SETBP1: variants seen among roughly 807,000 people sequenced by gnomAD.
SETBP1 encodes SET-binding protein.
Under a neutral mutation model 101.0 loss-of-function variants are expected in SETBP1, and 9 were observed. That is an observed-to-expected ratio of 0.09 (90% confidence interval 0.05 to 0.16). The LOEUF (loss-of-function observed/expected upper bound fraction) is 0.16. Ranked by LOEUF, SETBP1 falls within the 10% of genes least tolerant of loss-of-function variation. SETBP1 has a pLI of 1.00. For synonymous variants in SETBP1, 818 were observed against 788.5 expected, an observed-to-expected ratio of 1.04 and a Z score of -0.63; for missense variants, 1,858 against 2,033.8, an observed-to-expected ratio of 0.91 and a Z score of 1.66.
chr18:44,879,780 A>G (rs1199172565), intron 3 of SETBP1, among the ~76,000 whole-genome samples: 2 of 152,218 alleles, frequency 1.3e-5, no homozygotes. Flanking sequence ...AAGGATGCGT[A>G]GGGGCCATTT....
intron 2 of SETBP1, among the ~76,000 whole-genome samples, chr18:44,746,240 A>T (rs1023302548): frequency 1.3e-5 from 2 of 152,218 alleles, no homozygotes; most frequent in African/African-American, 4.8e-5. Flanking sequence ...GAATCACTGG[A>T]TGTAAGGAGT....
chr18:44,870,645 T>C (rs2069251311), intron 3 of SETBP1: 1 of 152,042 alleles, frequency 6.6e-6, no homozygotes, highest in South Asian at 2.1e-4. Context: ...AAATCAACAT[T>C]TACCGCCTAC....
Position 44,964,958 on chromosome 18 carries a change from A to G in SETBP1, c.4000+11618A>G, listed in dbSNP as rs1175670626. Among the ~76,000 whole-genome samples, 8 of 152,322 alleles carry G rather than the reference A, an allele frequency of 5.3e-5. 1 individual carries two copies. The highest frequency in any genetic ancestry group is 3.3e-4 in the Admixed American group (5 of 15,298). Reference sequence around the variant, plus strand: ...GGGGATACATTTTAAAAATAAATGCAGGAGGAATTGGGCGTGAAAATCATA... The same window carrying G: ...GGGGATACATTTTAAAAATAAATGCGGGAGGAATTGGGCGTGAAAATCATA... On this transcript the variant is annotated intron_variant, in intron 4 of 5. Coordinates refer to ENST00000649279, the MANE Select transcript of SETBP1 (RefSeq NM_015559.3).
At chr18:45,048,949 G>A (rs540741800) in intron 5 of SETBP1, among the ~76,000 whole-genome samples, 173 of 131,242 alleles carry the variant, frequency 1.3e-3, no homozygotes, top group Non-Finnish European at 2.3e-3. Flanking sequence ...TCCGCAGTCC[G>A]GCCTGGGCGA....
At chr18:44,938,871 G>C (rs559008761) in intron 3 of SETBP1, among the ~76,000 whole-genome samples, 40 of 152,200 alleles carry the variant, frequency 2.6e-4, no homozygotes, top group African/African-American at 9.6e-4. Context: ...CTGGGAAGGG[G>C]AAATAGTGAG....
At position 44,951,864 on chromosome 18, in the gene SETBP1, C is replaced by G; in HGVS notation, c.2524C>G (p.Leu842Val). 1 of 1,614,108 alleles carries G rather than the reference C, an allele frequency of 6.2e-7. No homozygotes were observed. The highest frequency in any genetic ancestry group is 8.5e-7 in the Non-Finnish European group (1 of 1,180,042). The change falls in exon 4 of 6, where the codon CTG becomes GTG. Residue 842 changes from leucine to valine, a missense_variant. Physicochemically the swap from Leu to Val is conservative, Grantham distance 32. Transcript: ENST00000649279. The surrounding 1 kb of genome is among the most constrained non-coding windows in gnomAD (Gnocchi z 7.8). ...ACTGATGGCCAACTCCCCTTCACACCTGTGCGAGATTGGCTCCCTAAAGGA... is the reference window on the plus strand; with the variant it reads ...ACTGATGGCCAACTCCCCTTCACACGTGTGCGAGATTGGCTCCCTAAAGGA... ...PRLMANSPSH[L>V]CEIGSLKEIT...
rs568709191 is a variant in SETBP1 at position 44,720,369 on chromosome 18, C to T, written c.486+18537C>T. On this transcript the variant is annotated intron_variant, in intron 2 of 5. Coordinates refer to ENST00000649279, the MANE Select transcript of SETBP1 (RefSeq NM_015559.3). The stretch of plus-strand genomic sequence containing the variant: ...TTATGTACATGTAAACAAATTTTAT[C>T]GAATCAACAGTATAGTTTTCTCAAT... Among the ~76,000 whole-genome samples, 252 of 152,262 alleles carry T rather than the reference C, an allele frequency of 1.7e-3. 1 individual carries two copies. Among genetic ancestry groups the T allele is most frequent in the Middle Eastern group, 3.4e-3 (1 of 294 alleles).
chr18:44,780,087 G>A (rs1304105169), intron 2 of SETBP1, among the ~76,000 whole-genome samples: 2 of 152,184 alleles, frequency 1.3e-5, no homozygotes, highest in Non-Finnish European at 2.9e-5. Flanking sequence ...CTCCCAGCAC[G>A]ACCTGTACCC....
chr18:44,825,466 A>G (rs2144411276), intron 2 of SETBP1, among the ~76,000 whole-genome samples: 1 of 152,376 alleles, frequency 6.6e-6, no homozygotes, highest in African/African-American at 2.4e-5. Context: ...TTAAAAAAGA[A>G]TTGTCTCTTA....
At chr18:44,970,763 CTGGTCTCGAACTCCTGAACT>C (rs1055871223) in intron 4 of SETBP1, among the ~76,000 whole-genome samples, 1 of 152,088 alleles carries the variant, frequency 6.6e-6, no homozygotes, top group African/African-American at 2.4e-5. Context: ...GTTGGTCAGG[CTGGTCTCGAACTCCTGAACT>C]CAAGTGATCC....
chr18:44,975,136 C>T (rs567108063), intron 4 of SETBP1, among the ~76,000 whole-genome samples: 2 of 152,274 alleles, frequency 1.3e-5, no homozygotes, highest in South Asian at 2.1e-4. Flanking sequence ...GGCCCTCTTC[C>T]GTTTTAATGT....
chr18:45,010,097 C>T (rs1413785902), intron 4 of SETBP1, among the ~76,000 whole-genome samples: 1 of 152,178 alleles, frequency 6.6e-6, no homozygotes, highest in Non-Finnish European at 1.5e-5. Context: ...TGCCCCTTTA[C>T]TCCATGCGCT....
intron 2 of SETBP1, among the ~76,000 whole-genome samples, chr18:44,784,126 G>T (rs1227125221): frequency 6.6e-6 from 1 of 152,192 alleles, no homozygotes; most frequent in East Asian, 1.9e-4. Flanking sequence ...TATGTTTTGA[G>T]ATATATGGAT....
chr18:45,020,920 A>G (rs1224906661), intron 4 of SETBP1, among the ~76,000 whole-genome samples: 1 of 152,204 alleles, frequency 6.6e-6, no homozygotes, highest in Non-Finnish European at 1.5e-5. Flanking sequence ...ACTAATCTCA[A>G]TGTTCAATAC....
chr18:45,020,462 G>GA (rs1265503476), intron 4 of SETBP1, among the ~76,000 whole-genome samples: 2 of 151,936 alleles, frequency 1.3e-5, no homozygotes, highest in African/African-American at 4.8e-5. Context: ...TTTATCTAAA[G>GA]AAAAAATGAG....
rs751104126 is a variant in SETBP1 at position 44,956,803 on chromosome 18, C to A, written c.4000+3463C>A. ...TTAGCAATAGCAGCAGTTGCACACT[C>A]CATTTCCTTTTTCTTGCTTGGAAAA... On this transcript the variant is annotated intron_variant, in intron 4 of 5. Transcript: ENST00000649279. 3.3e-5 allele frequency among the ~76,000 whole-genome samples: 5 copies of A among 152,298 alleles called. No homozygotes were observed. The East Asian group carries it at 9.7e-4, about 29-fold the overall frequency.
At chr18:44,998,564 G>C (rs965589263) in intron 4 of SETBP1, among the ~76,000 whole-genome samples, 1 of 152,192 alleles carries the variant, frequency 6.6e-6, no homozygotes, top group Non-Finnish European at 1.5e-5. Flanking sequence ...AACGACTGCC[G>C]TTCCTTTTTC....
At chr18:44,955,229 A>G (rs1397262908) in intron 4 of SETBP1, among the ~76,000 whole-genome samples, 2 of 152,146 alleles carry the variant, frequency 1.3e-5, no homozygotes, top group Admixed American at 6.5e-5. Flanking sequence ...ATTGCTTTTC[A>G]TGTGCTTGCA....
intron 2 of SETBP1, among the ~76,000 whole-genome samples, chr18:44,820,305 A>G (rs909930325): frequency 6.6e-6 from 1 of 152,180 alleles, no homozygotes; most frequent in East Asian, 1.9e-4. Context: ...GCAGGTGTAA[A>G]TGTTCTGGGG....
Sources: gnomAD v4.1 joint callset for allele counts (sites outside exome capture counted in the v4.1 genomes callset) on GRCh38, gnomAD v4.1.1 for gene constraint, Gnocchi (gnomAD v3.1) non-coding constraint, MANE v1.5 for transcripts, NCBI Gene and HGNC (gene_info 2026-07-23, HGNC 2026-07-21) for gene names.